PTPRN2: variants seen among roughly 807,000 people sequenced by gnomAD.
PTPRN2 encodes receptor-type tyrosine-protein phosphatase N2.
A neutral mutation model predicts 118.8 loss-of-function variants in PTPRN2; 74 were observed. That is an observed-to-expected ratio of 0.62 (90% CI 0.52 to 0.76). The LOEUF is 0.76. Among genes scored for constraint, PTPRN2 ranks in the 30% least tolerant of loss-of-function variants. The probability of loss-of-function intolerance (pLI) is 0.00; values close to 1 mark genes in which losing one functional copy is unlikely to be tolerated. For missense variants in PTPRN2, 1,481 were observed against 1,394.4 expected (o/e 1.06, Z -0.99); for synonymous variants, 641 against 608.0 (o/e 1.05, Z -0.80).
intron 4 of PTPRN2, among the ~76,000 whole-genome samples, chr7:158,204,942 A>C (rs186948973): frequency 2.0e-4 from 30 of 152,314 alleles, no homozygotes; most frequent in African/African-American, 7.0e-4. Flanking sequence ...GTCTCATGGA[A>C]AAACGAAGAA....
At chr7:158,473,809 G>A (rs1000730081) in intron 2 of PTPRN2, among the ~76,000 whole-genome samples, 29 of 152,220 alleles carry the variant, frequency 1.9e-4, no homozygotes, top group African/African-American at 7.0e-4. Flanking sequence ...TTAAAAAAAG[G>A]TTGGCTATAA....
At position 157,630,549 on chromosome 7, in the gene PTPRN2, C is replaced by T. The variant is rs113154759; in HGVS notation, c.2197-9040G>A. On this transcript the variant is annotated intron_variant, in intron 14 of 22. Transcript: ENST00000389418. ...GCACCTTTGACTTGCCATGGAATTA[C>T]GGGTCTTACTCAACAGCTGAAACAG... is the stretch of plus-strand genomic sequence containing the variant. 9.5e-3 allele frequency among the ~76,000 whole-genome samples: 1,443 copies of T among 152,306 alleles called. 20 individuals are homozygous for T. Among genetic ancestry groups the T allele is most frequent in the African/African-American group, 0.033 (1,363 of 41,564 alleles).
chr7:158,506,479 G>A (rs945031740), intron 1 of PTPRN2, among the ~76,000 whole-genome samples: 5 of 152,182 alleles, frequency 3.3e-5, no homozygotes, highest in East Asian at 2.0e-4. Flanking sequence ...CCAAGCACAC[G>A]GGAGAGGAAC....
At chr7:158,070,462 G>T (rs1473944419) in intron 11 of PTPRN2, among the ~76,000 whole-genome samples, 1 of 143,126 alleles carries the variant, frequency 7.0e-6, no homozygotes, top group African/African-American at 2.8e-5. Context: ...TGGTGGAGGT[G>T]CCCGTGGTGG....
At chr7:158,293,656 C>G (rs1184982046) in intron 3 of PTPRN2, among the ~76,000 whole-genome samples, 2 of 151,862 alleles carry the variant, frequency 1.3e-5, no homozygotes, top group African/African-American at 4.8e-5. Context: ...TAGCTTAAAA[C>G]AAACACATAG....
At position 157,977,909 on chromosome 7, in the gene PTPRN2, G is replaced by T. The variant is rs186523495; in HGVS notation, c.1724-79172C>A. Among the ~76,000 whole-genome samples the T allele has an allele frequency of 1.3e-5, 2 of 151,846 alleles. No individual in the cohort carries two copies. The highest frequency in any genetic ancestry group is 2.9e-5 in the Non-Finnish European group (2 of 67,908). On this transcript the variant is annotated intron_variant, in intron 11 of 22. Coordinates refer to ENST00000389418, the MANE Select transcript of PTPRN2 (RefSeq NM_002847.5). The surrounding 1 kb of genome is among the most constrained non-coding windows in gnomAD (Gnocchi z 4.6). ...GAGGAGGGAAGGAGGTCAGCTTCCC[G>T]ATGTGTCTGTGGGCCGGCAGGACTC...
intron 3 of PTPRN2, among the ~76,000 whole-genome samples, chr7:158,287,737 G>A (rs933871690): frequency 6.6e-6 from 1 of 152,074 alleles, no homozygotes; most frequent in Admixed American, 6.5e-5. Context: ...GTGGCATAAT[G>A]TGATCTATCC....
In PTPRN2 at chr7:158,252,678, C is replaced by T. The variant is rs1181080218; in HGVS notation, c.278-47405G>A. 2.0e-5 allele frequency among the ~76,000 whole-genome samples: 3 copies of T among 152,206 alleles called. No homozygotes were observed. The East Asian group carries it at 5.8e-4, about 29-fold the overall frequency. On this transcript the variant is annotated intron_variant, in intron 3 of 22. Coordinates refer to ENST00000389418, the MANE Select transcript of PTPRN2 (RefSeq NM_002847.5). ...CAGCTGCACAGACGCGTGACAGGCA[C>T]CCCAGTGCTGAAGCCCAAGGAGGAG...
intron 2 of PTPRN2, among the ~76,000 whole-genome samples, chr7:158,345,962 G>T (rs547356683): frequency 6.6e-6 from 1 of 152,238 alleles, no homozygotes; most frequent in South Asian, 2.1e-4. Context: ...GAAACCACCC[G>T]CATGATCCAG....
At position 157,672,580 on chromosome 7, in the gene PTPRN2, T is replaced by C. The variant is rs1028745204; in HGVS notation, c.2001+10145A>G. On this transcript the variant is annotated intron_variant, in intron 13 of 22. Coordinates refer to ENST00000389418, the MANE Select transcript of PTPRN2 (RefSeq NM_002847.5). ...GGCCATTCCAGGAAGATTGCGTTATTGTCCACTCTCCTGCATCATCGTCTT... is the reference window on the plus strand; with the variant it reads ...GGCCATTCCAGGAAGATTGCGTTATCGTCCACTCTCCTGCATCATCGTCTT... 1.1e-4 allele frequency among the ~76,000 whole-genome samples: 16 copies of C among 152,288 alleles called. No individual in the cohort carries two copies. In the South Asian group the frequency reaches 1.5e-3, roughly 14 times the overall value.
rs532930325 is a variant in PTPRN2 at position 157,881,018 on chromosome 7, G to A, written c.1788+17655C>T. 1.1e-4 allele frequency among the ~76,000 whole-genome samples: 16 copies of A among 152,296 alleles called. No homozygotes were observed. The highest frequency in any genetic ancestry group is 2.2e-4 in the African/African-American group (9 of 41,568). On this transcript the variant is annotated intron_variant, in intron 12 of 22. Coordinates refer to ENST00000389418, the MANE Select transcript of PTPRN2 (RefSeq NM_002847.5). This position sits in a 1 kb window ranked among gnomAD's most constrained non-coding sequence, Gnocchi z 4.7. Reference sequence around the variant, plus strand: ...GGGAAGCTCTAATCCCAGAACTTCCGAATGTGACTGTATGTGGAGATGGAG... The same window carrying A: ...GGGAAGCTCTAATCCCAGAACTTCCAAATGTGACTGTATGTGGAGATGGAG...
intron 10 of PTPRN2, among the ~76,000 whole-genome samples, chr7:158,092,181 T>A (rs1159117808): frequency 6.6e-6 from 1 of 151,110 alleles, no homozygotes; most frequent in Non-Finnish European, 1.5e-5. Context: ...GAGATATATA[T>A]ACACATATAC....
chr7:158,489,524 G>C (rs1221269964), intron 2 of PTPRN2, among the ~76,000 whole-genome samples: 1 of 152,218 alleles, frequency 6.6e-6, no homozygotes, highest in African/African-American at 2.4e-5. Context: ...GGGTTGGTGC[G>C]AGCGATGGGC....
At position 158,331,692 on chromosome 7, in the gene PTPRN2, T is replaced by A. The variant is rs1265110857; in HGVS notation, c.164-14760A>T. ...ACACTCTCACCATAAGAGGTGACAC[T>A]TGCAGACGTCACTAACACCCACATT... On this transcript the variant is annotated intron_variant, in intron 2 of 22. Coordinates refer to ENST00000389418, the MANE Select transcript of PTPRN2 (RefSeq NM_002847.5). Among the ~76,000 whole-genome samples, 6 of 108,024 alleles carry A rather than the reference T, an allele frequency of 5.6e-5. No individual in the cohort carries two copies. In the East Asian group the frequency reaches 1.5e-3, roughly 27 times the overall value. The allele number at this position is 108,024 out of a possible 152,430, so 70.9% of individuals were successfully genotyped here.
At chr7:158,104,180 A>T (rs1354508492) in intron 10 of PTPRN2, among the ~76,000 whole-genome samples, 1 of 152,176 alleles carries the variant, frequency 6.6e-6, no homozygotes, top group South Asian at 2.1e-4. Context: ...ATTTAAGGCA[A>T]TGGAGCATCA....
chr7:157,748,044 C>G (rs867968798), intron 12 of PTPRN2, among the ~76,000 whole-genome samples: 382 of 89,894 alleles, frequency 4.2e-3, no homozygotes, highest in African/African-American at 0.016. Context: ...GAGCTCTGGG[C>G]TGTCCGGGTG....
chr7:158,115,038 A>C (rs1216268707), intron 9 of PTPRN2, among the ~76,000 whole-genome samples: 1 of 151,898 alleles, frequency 6.6e-6, no homozygotes. Context: ...GCACTGTCCC[A>C]CTCTCCTGGT....
At chr7:157,680,758 C>T (rs1179185069) in intron 13 of PTPRN2, among the ~76,000 whole-genome samples, 1 of 152,212 alleles carries the variant, frequency 6.6e-6, no homozygotes, top group East Asian at 1.9e-4. Context: ...AGTCTTTACA[C>T]TCATTTCATT....
At chr7:158,475,455 C>T (rs1191210597) in intron 2 of PTPRN2, among the ~76,000 whole-genome samples, 3 of 152,102 alleles carry the variant, frequency 2.0e-5, no homozygotes, top group African/African-American at 4.8e-5. Context: ...ACCTTGTGCA[C>T]GCTTCGCCCC....
Sources: allele counts gnomAD v4.1 joint callset (sites outside exome capture counted in the v4.1 genomes callset), GRCh38; gene constraint gnomAD v4.1.1; non-coding constraint Gnocchi (gnomAD v3.1); transcripts MANE v1.5; gene names NCBI Gene and HGNC (gene_info 2026-07-23, HGNC 2026-07-21).